The following SUV39H1 variants were observed in gnomAD, a reference collection of about 807,000 sequenced individuals.
SUV39H1 encodes SUV39H1 histone lysine methyltransferase.
For missense variants in SUV39H1, 180 were observed against 386.3 expected (o/e 0.47, Z 4.48); for synonymous variants, 141 against 150.5 (o/e 0.94, Z 0.46).
chrX:48,695,554 G>T, upstream of SUV39H1: 1 of 1,062,590 alleles, frequency 9.4e-7, no homozygotes, highest in East Asian at 3.4e-5. Context: ...TGTATCTGGT[G>T]ATCAACTATC....
chrX:48,700,372 T>C lies in SUV39H1; in HGVS notation c.447T>C (p.Asn149=). 1 of 1,212,115 alleles carries C rather than the reference T, an allele frequency of 8.3e-7. No individual in the cohort carries two copies. Among genetic ancestry groups the C allele is most frequent in the Non-Finnish European group, 1.1e-6 (1 of 895,567 alleles). ...RSHLGRITVE[N]EVDLDGPPRA... is the part of the protein sequence containing the mutation. ...ATCTGGGACGCATCACTGTAGAGAA[T>C]GAGGTGGACCTGGACGGCCCTCCGC... The change falls in exon 3 of 6, where the codon AAT becomes AAC. Residue 149 remains asparagine (N), a synonymous_variant. Transcript: ENST00000376687.
chrX:48,708,614 TC>T lies in SUV39H1; in HGVS notation c.*1048del, dbSNP rs1290734138. The T allele has an allele frequency of 9.0e-6, 1 of 111,720 alleles. No homozygotes were observed. The highest frequency in any genetic ancestry group is 9.4e-5 in the Admixed American group (1 of 10,644). The allele number at this position is 111,720 out of a possible 1,213,427, so 9.2% of individuals were successfully genotyped here. On this transcript the variant is annotated 3_prime_UTR_variant, in exon 6 of 6. Transcript: ENST00000376687. ...AGAATTGGGGGTGGGGGAGATGGCTTCCCCACTATGGGATGACGAGGCGAGA... is the reference window on the plus strand; with the variant it reads ...AGAATTGGGGGTGGGGGAGATGGCTTCCCACTATGGGATGACGAGGCGAGA...
Position 48,700,118 on chromosome X carries a change from C to T in SUV39H1, c.193C>T (p.Arg65Cys). The T allele has an allele frequency of 4.2e-6, 5 of 1,184,973 alleles. No homozygotes were observed. Among genetic ancestry groups the T allele is most frequent in the East Asian group, 3.1e-5 (1 of 32,474 alleles). The change falls in exon 3 of 6, where the codon CGT (arginine) becomes TGT (cysteine). Residue 65 changes from arginine to cysteine, a missense_variant. Physicochemically the swap from Arg to Cys is radical, Grantham distance 180. Coordinates refer to ENST00000376687, the MANE Select transcript of SUV39H1 (RefSeq NM_003173.4). Reference protein sequence around the residue: ...REQEYYLVKWRGYPDSESTWE... With the variant: ...REQEYYLVKWCGYPDSESTWE... ...ACAGGAATATTACCTGGTGAAATGGCGTGGATATCCAGACTCAGAGAGCAC... is the reference window on the plus strand; with the variant it reads ...ACAGGAATATTACCTGGTGAAATGGTGTGGATATCCAGACTCAGAGAGCAC...
chrX:48,704,527 G>A (rs902150074), intron 3 of SUV39H1, among the ~76,000 whole-genome samples: 1 of 111,554 alleles, frequency 9.0e-6, no homozygotes, highest in Admixed American at 9.5e-5. Context: ...GGTCCCATCT[G>A]TTTGAGCTGA....
intron 1 of SUV39H1, 94 bp downstream of exon 1, chrX:48,696,897 C>A: frequency 1.4e-6 from 1 of 698,271 alleles, no homozygotes; most frequent in East Asian, 5.3e-5. Flanking sequence ...CGTCCGAGGC[C>A]CCGGCGCCGG....
chrX:48,699,151 T>C, intron 2 of SUV39H1, 104 bp downstream of exon 2: 1 of 942,585 alleles, frequency 1.1e-6, no homozygotes. Flanking sequence ...AAGGGAATTT[T>C]CTCCTTTGAC....
At chrX:48,696,295 G>A (rs1440980677), upstream of SUV39H1, among the ~76,000 whole-genome samples, 1 of 112,643 alleles carries the variant, frequency 8.9e-6, no homozygotes, top group Non-Finnish European at 1.9e-5. Context: ...CTGCCCAGCA[G>A]TGTGGATGGG....
chrX:48,700,572 G>C lies in SUV39H1; in HGVS notation c.647G>C (p.Gly216Ala). 8.2e-7 allele frequency: 1 copy of C among 1,212,366 alleles called. No homozygotes were observed. ...NDQGQVRLRA[G>A]LPIYECNSRC... ...CAGGGCCAGGTGCGGCTTCGAGCCG[G>C]GCTGCCCATCTACGAGTGCAACTCC... The change falls in exon 3 of 6, where the codon GGG becomes GCG. Residue 216 changes from glycine (G) to alanine (A), a missense_variant. Transcript: ENST00000376687.
intron 1 of SUV39H1, 141 bp downstream of exon 1, chrX:48,696,944 G>A (rs1232969449): frequency 5.7e-6 from 2 of 347,959 alleles, no homozygotes; most frequent in African/African-American, 2.9e-5. Flanking sequence ...TGAGGCTCGG[G>A]GAGCGCGGGC....
At chrX:48,695,724 G>T, upstream of SUV39H1, 24 of 1,143,862 alleles carry the variant, frequency 2.1e-5, no homozygotes, top group Non-Finnish European at 2.8e-5. Flanking sequence ...GAGCAAAATC[G>T]GCATAGCTGT....
intron 3 of SUV39H1, among the ~76,000 whole-genome samples, chrX:48,704,899 T>C (rs1252313487): frequency 1.8e-5 from 2 of 111,597 alleles, no homozygotes; most frequent in Admixed American, 9.4e-5. Context: ...GAGCCCTGCA[T>C]GCTGGGACTG....
At position 48,703,973 on chromosome X, in the gene SUV39H1, C is replaced by CT. The variant is rs34687892; in HGVS notation, c.829-2275dup. 9.1e-3 allele frequency among the ~76,000 whole-genome samples: 863 copies of CT among 95,215 alleles called. 13 individuals are homozygous for CT. Among genetic ancestry groups the CT allele is most frequent in the African/African-American group, 0.026 (693 of 26,166 alleles). 82.7% of individuals were successfully genotyped at this position (95,215 alleles called of 115,157 possible). ...AAACTGGTACCCTGCCAGGCTGTAG[C>CT]TTTTTTTTTTTTTTTTTAGCTGAGG... On this transcript the variant is annotated intron_variant, in intron 3 of 5. Coordinates refer to ENST00000376687, the MANE Select transcript of SUV39H1 (RefSeq NM_003173.4).
chrX:48,706,731 T>C lies in SUV39H1; in HGVS notation c.1105+104T>C, dbSNP rs782501245. 27 of 976,887 alleles carry C rather than the reference T, an allele frequency of 2.8e-5. No individual in the cohort carries two copies. In the African/African-American group the frequency reaches 4.9e-4, roughly 18 times the overall value. The allele number at this position is 976,887 out of a possible 1,213,427, so 80.5% of individuals were successfully genotyped here. ...ACTCAGAGAACCAAGGAAAATTCTT[T>C]AGCGGGAGCTTTAAGATGCTCTTCC... On this transcript the variant is annotated intron_variant, in intron 5 of 5. Coordinates refer to ENST00000376687, the MANE Select transcript of SUV39H1 (RefSeq NM_003173.4).
chrX:48,697,875 C>G (rs1241388822), intron 1 of SUV39H1, among the ~76,000 whole-genome samples: 1 of 112,072 alleles, frequency 8.9e-6, no homozygotes, highest in Non-Finnish European at 1.9e-5. Context: ...GTGTGTCTTA[C>G]AAAATTTTGG....
rs782393260 is a variant in SUV39H1 at position 48,705,854 on chromosome X, G to GT, written c.829-410dup. Among the ~76,000 whole-genome samples the GT allele has an allele frequency of 4.4e-5, 5 of 112,420 alleles. No individual in the cohort carries two copies. The East Asian group carries it at 1.4e-3, about 32-fold the overall frequency. On this transcript the variant is annotated intron_variant, in intron 3 of 5. Coordinates refer to ENST00000376687, the MANE Select transcript of SUV39H1 (RefSeq NM_003173.4). ...CAGGCTCCCTTGCCTGGATCAGTAA[G>GT]TATCTCTCCCTGTGGCACCCTGGGT...
intron 1 of SUV39H1, among the ~76,000 whole-genome samples, chrX:48,697,374 TGGG>T (rs782652631): frequency 9.0e-6 from 1 of 110,967 alleles, no homozygotes; most frequent in Non-Finnish European, 1.9e-5. Flanking sequence ...TCAGTTATGT[TGGG>T]GGGCCCCTCT....
intron 3 of SUV39H1, among the ~76,000 whole-genome samples, chrX:48,701,655 G>A (rs2062475631): frequency 9.2e-6 from 1 of 108,761 alleles, no homozygotes; most frequent in South Asian, 3.8e-4. Flanking sequence ...GCTGCACAAG[G>A]CTAAAGCACA....
In SUV39H1 at chrX:48,707,689, C is replaced by T. The variant is rs782774888; in HGVS notation, c.*119C>T. On this transcript the variant is annotated 3_prime_UTR_variant, in exon 6 of 6. Transcript: ENST00000376687. The stretch of plus-strand genomic sequence containing the variant: ...CCTCGCCTGCCTCCACCTGCCCCCA[C>T]CTGCTCCTACCTGCTCTACGTTCAG... The T allele has an allele frequency of 1.2e-6, 1 of 868,710 alleles. No individual in the cohort carries two copies. The highest frequency in any genetic ancestry group is 2.2e-5 in the South Asian group (1 of 45,375). The allele number at this position is 868,710 out of a possible 1,213,427, so 71.6% of individuals were successfully genotyped here. A position where few individuals can be genotyped will look rare whatever the true frequency, so the allele number is the denominator to read the frequency against.
At chrX:48,696,852 G>C (rs782081270) in intron 1 of SUV39H1, 49 bp downstream of exon 1, 74 of 1,021,632 alleles carry the variant, frequency 7.2e-5, no homozygotes, top group Non-Finnish European at 9.0e-5. Context: ...GGCCGGGTGG[G>C]CTGGAGGGGT....
Sources: gnomAD v4.1 joint callset for allele counts (sites outside exome capture counted in the v4.1 genomes callset) on GRCh38, gnomAD v4.1.1 for gene constraint, MANE v1.5 for transcripts, NCBI Gene and HGNC (gene_info 2026-07-23, HGNC 2026-07-21) for gene names.